Variants in CCDC148 observed in about 807,000 individuals in gnomAD.
CCDC148 encodes the protein coiled-coil domain containing 148.
In CCDC148, 89 loss-of-function variants were observed where a neutral mutation model predicts 85.7. The observed-to-expected ratio is 1.04, with a 90% CI of 0.87 to 1.24. CCDC148 has a LOEUF of 1.24. Ranked by LOEUF, CCDC148 falls within the 50% of genes most tolerant of loss-of-function variation. CCDC148 has a pLI of 0.00. For synonymous variants in CCDC148, 230 were observed against 213.9 expected (o/e 1.08, Z -0.66); for missense variants, 692 against 671.7 (o/e 1.03, Z -0.33).
chr2:158,183,209 T>A (rs1253161536), intron 11 of CCDC148, among the ~76,000 whole-genome samples: 1 of 152,128 alleles, frequency 6.6e-6, no homozygotes, highest in East Asian at 1.9e-4. Flanking sequence ...CTAACAATAA[T>A]CTGGAAAGGA....
At chr2:158,181,427 G>C (rs1313769780) in intron 11 of CCDC148, among the ~76,000 whole-genome samples, 1 of 152,090 alleles carries the variant, frequency 6.6e-6, no homozygotes, top group African/African-American at 2.4e-5. Flanking sequence ...CGTCAACATG[G>C]GAGACATGCT....
intron 12 of CCDC148, among the ~76,000 whole-genome samples, chr2:158,178,342 A>C (rs1299255490): frequency 6.6e-6 from 1 of 152,150 alleles, no homozygotes; most frequent in African/African-American, 2.4e-5. Context: ...TAAGTTCTTA[A>C]ATTCTCACCC....
chr2:158,238,249 T>C (rs1688198456), intron 10 of CCDC148, among the ~76,000 whole-genome samples: 1 of 151,898 alleles, frequency 6.6e-6, no homozygotes, highest in Admixed American at 6.6e-5. Flanking sequence ...GAAATTGGGA[T>C]AAACTTGAGC....
chr2:158,410,637 C>G (rs1318314046), intron 1 of CCDC148, among the ~76,000 whole-genome samples: 4 of 152,034 alleles, frequency 2.6e-5, no homozygotes, highest in Non-Finnish European at 5.9e-5. Flanking sequence ...CTTTTATCAC[C>G]CCTCACATAC....
chr2:158,325,992 T>C (rs1692752574), intron 7 of CCDC148, among the ~76,000 whole-genome samples: 1 of 152,106 alleles, frequency 6.6e-6, no homozygotes, highest in Non-Finnish European at 1.5e-5. Context: ...TAAACATAAG[T>C]CTGATTTTGT....
chr2:158,276,538 A>G (rs939497455), intron 9 of CCDC148, among the ~76,000 whole-genome samples: 3 of 149,772 alleles, frequency 2.0e-5, no homozygotes, highest in African/African-American at 4.9e-5. Context: ...CCTGGGTGAC[A>G]GAGTGAGACT....
At chr2:158,310,483 T>C (rs111393295) in intron 8 of CCDC148, among the ~76,000 whole-genome samples, 1,509 of 137,920 alleles carry the variant, frequency 0.011, 13 homozygotes, top group Middle Eastern at 0.097. Context: ...GGCTCCTCAC[T>C]TCCCAGACGT....
At chr2:158,262,802 C>T (rs1476426853) in intron 9 of CCDC148, among the ~76,000 whole-genome samples, 1 of 151,890 alleles carries the variant, frequency 6.6e-6, no homozygotes, top group Non-Finnish European at 1.5e-5. Context: ...TCCCTTGAAA[C>T]GTGGGGATTA....
rs781605882 is a variant in CCDC148, at chr2:158,172,215, T to G, written c.1674A>C (p.Glu558Asp). 3 of 1,609,226 alleles carry G rather than the reference T, an allele frequency of 1.9e-6. No homozygotes were observed. The South Asian group carries it at 3.3e-5, about 18-fold the overall frequency. The change falls in exon 14 of 14, where the codon GAA (glutamate) becomes GAC (aspartate). Residue 558 changes from glutamate (E) to aspartate (D), a missense_variant. By Grantham distance (45) the Glu-to-Asp change is conservative. Transcript: ENST00000283233. ...PRLRFELALREAGLHRTLYAK... is the reference protein window; with the variant it reads ...PRLRFELALRDAGLHRTLYAK... ...CATAAAGTGTTCTATGAAGTCCAGC[T>G]TCTCGAAGTGCTAACTCGAAGCGAA...
intron 1 of CCDC148, among the ~76,000 whole-genome samples, chr2:158,399,229 A>G (rs1273024730): frequency 6.6e-6 from 1 of 152,182 alleles, no homozygotes; most frequent in Non-Finnish European, 1.5e-5. Context: ...TTCTGAAACT[A>G]TTCCAATCGA....
At position 158,312,504 on chromosome 2, in the gene CCDC148, C is replaced by A. The variant is rs1239432284; in HGVS notation, c.903+1252G>T. Among the ~76,000 whole-genome samples, 5 of 149,108 alleles carry A rather than the reference C, an allele frequency of 3.4e-5. No homozygotes were observed. In the Admixed American group the frequency reaches 3.4e-4, roughly 10 times the overall value. On this transcript the variant is annotated intron_variant, in intron 8 of 13. Transcript: ENST00000283233. ...GGCTGAGGCAGGAGAATCGCTTGAA[C>A]CCAGGAGGGGGAGGTTTCAGTGAGC...
At chr2:158,201,002 T>C (rs543202240) in intron 11 of CCDC148, among the ~76,000 whole-genome samples, 7 of 152,264 alleles carry the variant, frequency 4.6e-5, no homozygotes, top group Admixed American at 2.0e-4. Context: ...AATCAGCCAT[T>C]TGTTTCCCAA....
At chr2:158,391,667 A>C (rs746801286) in intron 1 of CCDC148, among the ~76,000 whole-genome samples, 10 of 152,190 alleles carry the variant, frequency 6.6e-5, no homozygotes, top group Non-Finnish European at 1.0e-4. Context: ...TTGAGGCCTA[A>C]GGTGAAATTT....
chr2:158,393,688 C>T (rs1278647215), intron 1 of CCDC148, among the ~76,000 whole-genome samples: 1 of 152,078 alleles, frequency 6.6e-6, no homozygotes, highest in African/African-American at 2.4e-5. Flanking sequence ...TTGAAAAGGG[C>T]AGCCAAAATT....
chr2:158,227,728 T>C (rs1687624732), intron 10 of CCDC148, among the ~76,000 whole-genome samples: 1 of 152,146 alleles, frequency 6.6e-6, no homozygotes, highest in East Asian at 1.9e-4. Flanking sequence ...ATTTAATAAA[T>C]CGTGCTGGGA....
chr2:158,455,861 A>G (rs905819662), intron 1 of CCDC148, among the ~76,000 whole-genome samples: 7 of 152,244 alleles, frequency 4.6e-5, no homozygotes, highest in African/African-American at 1.7e-4. Context: ...AGACATTATT[A>G]AAGCTCAAGA....
At chr2:158,307,633 C>T (rs886334865) in intron 9 of CCDC148, among the ~76,000 whole-genome samples, 5 of 152,018 alleles carry the variant, frequency 3.3e-5, no homozygotes, top group African/African-American at 4.8e-5. Context: ...ATCATAATAG[C>T]AAAAACCTGA....
chr2:158,262,182 T>C (rs1689259179), intron 9 of CCDC148, among the ~76,000 whole-genome samples: 1 of 152,020 alleles, frequency 6.6e-6, no homozygotes, highest in African/African-American at 2.4e-5. Context: ...TATGCAGCCA[T>C]AAAAAAGAAC....
At chr2:158,332,073 C>T (rs1011919945) in intron 7 of CCDC148, among the ~76,000 whole-genome samples, 2 of 152,020 alleles carry the variant, frequency 1.3e-5, no homozygotes, top group South Asian at 2.1e-4. Context: ...TTATTTTGCT[C>T]GTTAGTTGAT....
Sources: gnomAD v4.1 joint callset for allele counts (sites outside exome capture counted in the v4.1 genomes callset) on GRCh38, gnomAD v4.1.1 for gene constraint, MANE v1.5 for transcripts, NCBI Gene and HGNC (gene_info 2026-07-23, HGNC 2026-07-21) for gene names.